The following GHR variants were observed in gnomAD, a reference collection of about 807,000 sequenced individuals.
GHR encodes the protein GH receptor.
Under a neutral mutation model 67.1 loss-of-function variants are expected in GHR, and 35 were observed. The observed-to-expected ratio is 0.52, with a 90% confidence interval of 0.40 to 0.69. GHR has a LOEUF of 0.69. GHR is among the 30% of genes least tolerant of loss of function. The pLI is 0.00. For missense variants in GHR, 792 were observed against 764.6 expected (o/e 1.04, Z -0.42); for synonymous variants, 272 against 269.1 (o/e 1.01, Z -0.10).
At chr5:42,600,495 T>C (rs1199049380) in intron 2 of GHR, among the ~76,000 whole-genome samples, 1 of 152,230 alleles carries the variant, frequency 6.6e-6, no homozygotes, top group Non-Finnish European at 1.5e-5. Context: ...AGTCTTGCTC[T>C]TGAGTGAGGA....
At chr5:42,508,960 A>G (rs993935793) in intron 1 of GHR, among the ~76,000 whole-genome samples, 3 of 152,244 alleles carry the variant, frequency 2.0e-5, no homozygotes, top group Non-Finnish European at 2.9e-5. Context: ...TTATCACACT[A>G]TGTGATGAAA....
intron 1 of GHR, among the ~76,000 whole-genome samples, chr5:42,502,973 C>T (rs1464679611): frequency 6.6e-6 from 1 of 151,980 alleles, no homozygotes; most frequent in Non-Finnish European, 1.5e-5. Context: ...GAGATGAGGA[C>T]ATCACTAAAA....
Position 42,576,123 on chromosome 5 carries a change from T to TAAAATAATAAAATAAAATAA in GHR, c.70+10186_70+10187insTAAAATAAAATAAAAAATAA, listed in dbSNP as rs1750712287. Among the ~76,000 whole-genome samples, 140 of 84,964 alleles carry TAAAATAATAAAATAAAATAA rather than the reference T, an allele frequency of 1.6e-3. 9 individuals carry two copies. Among genetic ancestry groups the TAAAATAATAAAATAAAATAA allele is most frequent in the African/African-American group, 6.7e-3 (131 of 19,520 alleles). The allele number at this position is 84,964 out of a possible 152,430, so 55.7% of individuals were successfully genotyped here. A position where few individuals can be genotyped will look rare whatever the true frequency, so the allele number is the denominator to read the frequency against. On this transcript the variant is annotated intron_variant, in intron 2 of 9. Transcript: ENST00000230882. ...ATAAATAAAATAAAATAAAATAAAA[T>TAAAATAATAAAATAAAATAA]AAAATAAAATAAAATAAAATAGTAA...
At chr5:42,558,526 G>A (rs374597061) in intron 1 of GHR, among the ~76,000 whole-genome samples, 46 of 152,108 alleles carry the variant, frequency 3.0e-4, no homozygotes, top group African/African-American at 1.1e-3. Context: ...TTCAATGATG[G>A]ACTGGTCCCA....
At chr5:42,524,572 G>T (rs1167502383) in intron 1 of GHR, among the ~76,000 whole-genome samples, 1 of 152,100 alleles carries the variant, frequency 6.6e-6, no homozygotes, top group African/African-American at 2.4e-5. Context: ...CATTTTTTGA[G>T]GAGAAATTCA....
intron 1 of GHR, among the ~76,000 whole-genome samples, chr5:42,521,931 C>T (rs762607678): frequency 5.7e-4 from 87 of 152,096 alleles, no homozygotes; most frequent in Non-Finnish European, 1.0e-3. Context: ...TTTGCATTTC[C>T]CAAATTAACA....
chr5:42,588,392 C>T (rs540677478), intron 2 of GHR, among the ~76,000 whole-genome samples: 31 of 151,928 alleles, frequency 2.0e-4, no homozygotes, highest in South Asian at 4.2e-4. Flanking sequence ...TGGTGGCACA[C>T]GCCTGTAGTC....
chr5:42,539,373 AG>A (rs1368152810), intron 1 of GHR, among the ~76,000 whole-genome samples: 6 of 152,182 alleles, frequency 3.9e-5, no homozygotes, highest in Admixed American at 3.3e-4. Context: ...CCCTTAATGT[AG>A]TACTCTCCCT....
At chr5:42,661,307 T>C (rs531141214) in intron 3 of GHR, among the ~76,000 whole-genome samples, 2 of 152,270 alleles carry the variant, frequency 1.3e-5, no homozygotes, top group African/African-American at 2.4e-5. Context: ...AATTGTCAGA[T>C]TCACCAAAGT....
chr5:42,718,491 T>A lies in GHR; in HGVS notation c.984T>A (p.Ile328=), dbSNP rs1225447735. 6.2e-7 allele frequency: 1 copy of A among 1,610,682 alleles called. No individual in the cohort carries two copies. The highest frequency in any genetic ancestry group is 2.2e-5 in the East Asian group (1 of 44,876). Residue 328 remains isoleucine, a synonymous_variant, in exon 10 of 10, where the codon ATT becomes ATA. Coordinates refer to ENST00000230882, the MANE Select transcript of GHR (RefSeq NM_000163.5). ...AGGAGGTGAACACAATCTTAGCCAT[T>A]CATGATAGCTATAAACCCGAATTCC... ...KLEEVNTILA[I]HDSYKPEFHS...
At chr5:42,677,758 T>C (rs1308293691) in intron 3 of GHR, among the ~76,000 whole-genome samples, 1 of 152,200 alleles carries the variant, frequency 6.6e-6, no homozygotes, top group Non-Finnish European at 1.5e-5. Flanking sequence ...TGTTAGTATA[T>C]TTTTTGTGTT....
chr5:42,646,352 A>C (rs953380556), intron 3 of GHR: 1 of 454,996 alleles, frequency 2.2e-6, no homozygotes, highest in African/African-American at 2.0e-5. Context: ...ATGCTCACAT[A>C]TCAAGAAAAT....
chr5:42,623,256 AGTTGAGTACAAG>A (rs1263547851), intron 2 of GHR, among the ~76,000 whole-genome samples: 2 of 152,164 alleles, frequency 1.3e-5, no homozygotes, highest in African/African-American at 2.4e-5. Context: ...TCTGTTGAGA[AGTTGAGTACAAG>A]GTTGAGTGTA....
chr5:42,558,017 A>G (rs1237675578), intron 1 of GHR, among the ~76,000 whole-genome samples: 1 of 152,184 alleles, frequency 6.6e-6, no homozygotes, highest in Non-Finnish European at 1.5e-5. Flanking sequence ...CAGCCCTGAG[A>G]GAGGTATTTA....
intron 1 of GHR, among the ~76,000 whole-genome samples, chr5:42,454,744 C>T (rs1159864532): frequency 6.6e-6 from 1 of 152,124 alleles, no homozygotes; most frequent in Non-Finnish European, 1.5e-5. Flanking sequence ...AGATCCACGC[C>T]TCCTGCTTGT....
At chr5:42,454,238 G>T (rs910788958) in intron 1 of GHR, among the ~76,000 whole-genome samples, 11 of 152,202 alleles carry the variant, frequency 7.2e-5, no homozygotes, top group Non-Finnish European at 1.6e-4. Context: ...ATCCCTGATT[G>T]TAGATAGGTG....
chr5:42,532,159 A>G (rs754230602), intron 1 of GHR, among the ~76,000 whole-genome samples: 8 of 152,102 alleles, frequency 5.3e-5, no homozygotes, highest in Non-Finnish European at 1.0e-4. Context: ...TGGAACTGAG[A>G]AAGCTCTTCC....
At chr5:42,700,749 G>C (rs1757893696) in intron 6 of GHR, among the ~76,000 whole-genome samples, 1 of 152,100 alleles carries the variant, frequency 6.6e-6, no homozygotes, top group South Asian at 2.1e-4. Context: ...ATGCCCAGCA[G>C]CCTGGCACAG....
chr5:42,554,429 C>T (rs1442950017), intron 1 of GHR, among the ~76,000 whole-genome samples: 1 of 152,118 alleles, frequency 6.6e-6, no homozygotes, highest in African/African-American at 2.4e-5. Context: ...CGATCTGGAA[C>T]ACCCTACTTC....
Sources: gnomAD v4.1 joint callset for allele counts (sites outside exome capture counted in the v4.1 genomes callset) on GRCh38, gnomAD v4.1.1 for gene constraint, MANE v1.5 for transcripts, NCBI Gene and HGNC (gene_info 2026-07-23, HGNC 2026-07-21) for gene names.